Variants in TTC3 observed in about 807,000 individuals in gnomAD.
TTC3 encodes tetratricopeptide repeat domain 3.
In TTC3, 180 loss-of-function variants were observed where a neutral mutation model predicts 249.6. That is an observed-to-expected ratio of 0.72 (90% CI 0.64 to 0.82). The LOEUF is 0.82. TTC3 is among the 40% of genes least tolerant of loss of function. The pLI, the probability that TTC3 is intolerant of heterozygous loss-of-function variation, is 0.00. For missense variants in TTC3, 2,061 were observed against 2,398.4 expected (o/e 0.86, Z 2.94); for synonymous variants, 717 against 805.0 (o/e 0.89, Z 1.85).
intron 39 of TTC3, among the ~76,000 whole-genome samples, chr21:37,190,138 T>C (rs796187522): frequency 1.2e-4 from 13 of 112,166 alleles, no homozygotes; most frequent in African/African-American, 4.6e-4. Context: ...TTCTTTTTTT[T>C]TTTTTTTTTT....
intron 43 of TTC3, 58 bp downstream of exon 43, chr21:37,197,754 T>TAAAA (rs34505047): frequency 6.1e-5 from 83 of 1,362,116 alleles, no homozygotes; most frequent in South Asian, 1.4e-4. Flanking sequence ...TGAGAATTGT[T>TAAAA]AAAAAAAAAA....
chr21:37,184,535 A>G (rs1437170115), intron 36 of TTC3, among the ~76,000 whole-genome samples: 1 of 151,136 alleles, frequency 6.6e-6, no homozygotes, highest in Non-Finnish European at 1.5e-5. Context: ...GCTCACTGCA[A>G]CCTCTGCCTC....
chr21:37,112,336 C>A (rs2075745894), intron 11 of TTC3, among the ~76,000 whole-genome samples: 1 of 152,120 alleles, frequency 6.6e-6, no homozygotes, highest in Non-Finnish European at 1.5e-5. Flanking sequence ...CAAATAGACA[C>A]AATAAAACAT....
At chr21:37,142,391 A>G (rs535934935) in intron 20 of TTC3, among the ~76,000 whole-genome samples, 2 of 152,344 alleles carry the variant, frequency 1.3e-5, no homozygotes, top group South Asian at 4.1e-4. Context: ...CTGATAAGCA[A>G]CTTCAGCAAA....
At chr21:37,159,460 C>T in intron 28 of TTC3, 1 of 492,880 alleles carries the variant, frequency 2.0e-6, no homozygotes, top group African/African-American at 2.0e-5. Flanking sequence ...ATAGATGGTA[C>T]CTAGAAGGCA....
In TTC3 at chr21:37,160,861, A is replaced by G; in HGVS notation, c.3096+3A>G. 1 of 1,612,584 alleles carries G rather than the reference A, an allele frequency of 6.2e-7. No homozygotes were observed. The highest frequency in any genetic ancestry group is 1.7e-5 in the Admixed American group (1 of 59,832). ...AAAAGAAGCCAAAGGATTCAAAGGT[A>G]TGGAGTATTTTCTGTATTAATTCTT... On this transcript the variant is annotated splice_donor_region_variant and intron_variant, in intron 30 of 45. Coordinates refer to ENST00000355666, the Ensembl canonical transcript of TTC3.
chr21:37,148,571 A>G, exon 23 of TTC3: 2 of 1,597,922 alleles, frequency 1.3e-6, no homozygotes. Context: ...AGCTGTTGCC[A>G]GTACTGTAAA....
Position 37,196,517 on chromosome 21 carries a change from A to G in TTC3, c.5579+481A>G, listed in dbSNP as rs374653276. 3.9e-5 allele frequency among the ~76,000 whole-genome samples: 6 copies of G among 152,278 alleles called. No homozygotes were observed. The East Asian group carries it at 1.2e-3, about 29-fold the overall frequency. ...CTCCCAAAGTGCTGGGGTTACAGGC[A>G]TGAGACGCCACACCCAGCCTCAAAT... On this transcript the variant is annotated intron_variant, in intron 42 of 45. Transcript: ENST00000355666.
intron 7 of TTC3, among the ~76,000 whole-genome samples, chr21:37,092,504 G>C (rs1387128251): frequency 6.6e-6 from 1 of 152,150 alleles, no homozygotes; most frequent in Non-Finnish European, 1.5e-5. Context: ...CTTTATAATA[G>C]CTCTGCAAGG....
At chr21:37,191,134 TG>T (rs1376753131) in intron 39 of TTC3, among the ~76,000 whole-genome samples, 199 bp from the exon 40 acceptor site, 1 of 152,186 alleles carries the variant, frequency 6.6e-6, no homozygotes, top group Non-Finnish European at 1.5e-5. Flanking sequence ...TTAGAGTTTT[TG>T]TTATATTAAT....
intron 27 of TTC3, among the ~76,000 whole-genome samples, chr21:37,155,257 A>G (rs1342916240): frequency 8.5e-5 from 12 of 140,774 alleles, no homozygotes; most frequent in East Asian, 8.5e-4. Flanking sequence ...AGAGAGGTCC[A>G]GTTTTTATGT....
chr21:37,075,555 C>A (rs2070733724), intron 1 of TTC3, among the ~76,000 whole-genome samples: 1 of 152,200 alleles, frequency 6.6e-6, no homozygotes, highest in Non-Finnish European at 1.5e-5. Flanking sequence ...TTCCTCACAA[C>A]CCTGCTAACA....
chr21:37,127,849 G>A (rs2077158433), intron 15 of TTC3, among the ~76,000 whole-genome samples: 2 of 152,162 alleles, frequency 1.3e-5, no homozygotes, highest in South Asian at 2.1e-4. Context: ...GCACATTAGC[G>A]TAATGATAGG....
chr21:37,108,661 A>G (rs2147797196), intron 11 of TTC3, among the ~76,000 whole-genome samples: 1 of 152,158 alleles, frequency 6.6e-6, no homozygotes, highest in African/African-American at 2.4e-5. Flanking sequence ...GGGCATCTTG[A>G]GTCTTCAGGG....
At chr21:37,191,357 T>G in exon 40 of TTC3, 3 of 1,588,586 alleles carry the variant, frequency 1.9e-6, no homozygotes, top group Non-Finnish European at 2.6e-6. Flanking sequence ...TATCCTGACA[T>G]GGAGTCTGAT....
At chr21:37,130,753 T>G (rs1470452802) in intron 16 of TTC3, among the ~76,000 whole-genome samples, 1 of 152,002 alleles carries the variant, frequency 6.6e-6, no homozygotes, top group African/African-American at 2.4e-5. Context: ...TCATTCCTCT[T>G]TTCCTCCCTC....
At chr21:37,106,682 T>C (rs1471810642) in intron 10 of TTC3, among the ~76,000 whole-genome samples, 1 of 152,146 alleles carries the variant, frequency 6.6e-6, no homozygotes, top group Non-Finnish European at 1.5e-5. Context: ...CCCAGGAGTT[T>C]GAGACCATCC....
At chr21:37,197,238 G>C (rs2085015905) in intron 42 of TTC3, among the ~76,000 whole-genome samples, 1 of 152,166 alleles carries the variant, frequency 6.6e-6, no homozygotes, top group Non-Finnish European at 1.5e-5. Context: ...GAGGTCAGGA[G>C]TTCGGGACCA....
Position 37,195,888 on chromosome 21 carries a change from G to T in TTC3, c.5431G>T (p.Gly1811Cys), listed in dbSNP as rs527508755. 9 of 1,614,254 alleles carry T rather than the reference G, an allele frequency of 5.6e-6. No individual in the cohort carries two copies. The East Asian group carries it at 1.6e-4, about 28-fold the overall frequency. ...TCAGCTGACAGGGCCAAAACGGGCT[G>T]GCCAGGCAGCTCTGTCAGAACGAAG... is the stretch of plus-strand genomic sequence containing the variant. Residue 1811 changes from glycine to cysteine, a missense_variant, in exon 42 of 46, where the codon GGC (glycine) becomes TGC (cysteine). By Grantham distance (159) the Gly-to-Cys change is radical. Around this residue, in one of 3 missense-constraint regions of TTC3, gnomAD observed 1,040 missense variants for 1,186.1 expected, o/e 0.88. Coordinates refer to ENST00000355666, the Ensembl canonical transcript of TTC3.
Sources: allele counts gnomAD v4.1 joint callset (sites outside exome capture counted in the v4.1 genomes callset), GRCh38; gene constraint gnomAD v4.1.1; regional missense constraint gnomAD v4.1.1; transcripts MANE v1.5; gene names NCBI Gene and HGNC (gene_info 2026-07-23, HGNC 2026-07-21).